RRM2B: variants seen among roughly 807,000 people sequenced by gnomAD.
The protein encoded by RRM2B is ribonucleotide reductase regulatory TP53 inducible subunit M2B.
RRM2B carries 20 observed loss-of-function variants against 45.9 expected under a neutral mutation model. That is an observed-to-expected ratio of 0.44 (90% CI 0.31 to 0.63). The LOEUF is 0.63. RRM2B is among the 30% of genes least tolerant of loss of function. The probability of loss-of-function intolerance (pLI) is 0.09; values close to 1 mark genes in which losing one functional copy is unlikely to be tolerated. For synonymous variants in RRM2B, 124 were observed against 132.3 expected, an observed-to-expected ratio of 0.94 and a Z score of 0.43; for missense variants, 320 against 414.7, an observed-to-expected ratio of 0.77 and a Z score of 1.98.
Position 102,208,023 on chromosome 8 carries a change from A to G in RRM2B, c.*110T>C. ...AGAATAGGTTTTGGATTTCCTTTTGAGCAAACCCCCAGTCCTTTAAAGGAT... is the reference window on the plus strand; with the variant it reads ...AGAATAGGTTTTGGATTTCCTTTTGGGCAAACCCCCAGTCCTTTAAAGGAT... On this transcript the variant is annotated 3_prime_UTR_variant, in exon 9 of 9. Transcript: ENST00000251810. 2.3e-6 allele frequency: 2 copies of G among 857,708 alleles called. No individual in the cohort carries two copies. Among genetic ancestry groups the G allele is most frequent in the Non-Finnish European group, 3.7e-6 (2 of 534,678 alleles). The allele number at this position is 857,708 out of a possible 1,614,324, so 53.1% of individuals were successfully genotyped here. A position where few individuals can be genotyped will look rare whatever the true frequency, so the allele number is the denominator to read the frequency against.
At chr8:102,228,715 C>T (rs1338360212) in intron 2 of RRM2B, among the ~76,000 whole-genome samples, 1 of 152,230 alleles carries the variant, frequency 6.6e-6, no homozygotes, top group Non-Finnish European at 1.5e-5. Flanking sequence ...CACCTGCTCA[C>T]CTGCATGCTC....
chr8:102,229,185 G>A (rs1315826718), intron 2 of RRM2B, among the ~76,000 whole-genome samples: 2 of 152,144 alleles, frequency 1.3e-5, no homozygotes, highest in African/African-American at 2.4e-5. Context: ...CCCAGGAGGA[G>A]GAGGTTGCAG....
At position 102,228,037 on chromosome 8, in the gene RRM2B, C is replaced by T. The variant is rs186970597; in HGVS notation, c.205-2003G>A. On this transcript the variant is annotated intron_variant, in intron 2 of 8. Transcript: ENST00000251810. Reference sequence around the variant, plus strand: ...TCCACCCTCAATCCTGGAACTGCAGCCCAAAGTGACATGTATTCCTGTTTT... The same window carrying T: ...TCCACCCTCAATCCTGGAACTGCAGTCCAAAGTGACATGTATTCCTGTTTT... 5.9e-3 allele frequency among the ~76,000 whole-genome samples: 900 copies of T among 152,286 alleles called. 38 individuals carry two copies. Among genetic ancestry groups the T allele is most frequent in the Admixed American group, 0.054 (830 of 15,290 alleles).
intron 8 of RRM2B, among the ~76,000 whole-genome samples, chr8:102,210,493 G>C (rs944381705): frequency 6.6e-6 from 1 of 151,690 alleles, no homozygotes; most frequent in East Asian, 1.9e-4. Context: ...ACAGAGTTTC[G>C]GTCTTTTTGC....
intron 6 of RRM2B, among the ~76,000 whole-genome samples, chr8:102,218,502 G>A (rs534769738): frequency 6.6e-6 from 1 of 152,252 alleles, no homozygotes; most frequent in South Asian, 2.1e-4. Flanking sequence ...CAGATCGCTT[G>A]AGGCCAGGAG....
intron 8 of RRM2B, among the ~76,000 whole-genome samples, chr8:102,210,460 T>G (rs1810616336): frequency 6.6e-6 from 1 of 152,078 alleles, no homozygotes; most frequent in African/African-American, 2.4e-5. Flanking sequence ...AGTGGCTTGT[T>G]TTTGGTGGGT....
chr8:102,221,343 G>T (rs1358128319), intron 5 of RRM2B, among the ~76,000 whole-genome samples: 3 of 152,134 alleles, frequency 2.0e-5, no homozygotes, highest in African/African-American at 4.8e-5. Context: ...CACTAAGAAG[G>T]TCACCAAAAA....
chr8:102,211,835 C>T (rs1336154885), intron 8 of RRM2B, among the ~76,000 whole-genome samples: 1 of 152,108 alleles, frequency 6.6e-6, no homozygotes, highest in African/African-American at 2.4e-5. Flanking sequence ...AAAACCTACG[C>T]CCCACTTGAC....
Position 102,208,220 on chromosome 8 carries a change from G to T in RRM2B, c.969C>A (p.Phe323Leu). ...ENISLEGKTN[F>L]FEKRVSEYQR... Reference sequence around the variant, plus strand: ...GATACTCTGAAACTCGTTTCTCAAAGAAATTTGTTTTTCCTTCTAAAGAAA... The same window carrying T: ...GATACTCTGAAACTCGTTTCTCAAATAAATTTGTTTTTCCTTCTAAAGAAA... Residue 323 changes from phenylalanine (F) to leucine (L), a missense_variant, in exon 9 of 9, where the codon TTC (phenylalanine) becomes TTA (leucine). Around this residue, in one of 3 missense-constraint regions of RRM2B, gnomAD observed 47 missense variants for 90.0 expected, o/e 0.52. Transcript: ENST00000251810. 6.2e-7 allele frequency: 1 copy of T among 1,608,598 alleles called. No homozygotes were observed. The highest frequency in any genetic ancestry group is 8.5e-7 in the Non-Finnish European group (1 of 1,175,318).
chr8:102,204,571 G>A lies in RRM2B; in HGVS notation c.*3562C>T, dbSNP rs540181640. 8 of 152,032 alleles carry A rather than the reference G, an allele frequency of 5.3e-5. No homozygotes were observed. The highest frequency in any genetic ancestry group is 1.9e-4 in the African/African-American group (8 of 41,464). The allele number at this position is 152,032 out of a possible 1,614,324, so 9.4% of individuals were successfully genotyped here. ...AAGAAACCTTCCTCAAAAAGGAAAT[G>A]TACAAAATGATGAAGATACCATAGT... On this transcript the variant is annotated 3_prime_UTR_variant, in exon 9 of 9. Coordinates refer to ENST00000251810, the MANE Select transcript of RRM2B (RefSeq NM_015713.5).
In RRM2B at chr8:102,229,277, A is replaced by AAC. The variant is rs1563666504; in HGVS notation, c.204+2871_204+2872insGT. ...AAAAACAAAACAACAACAACAACAAAAAAAAAAAAACCCACAAAGCCTCAA... is the reference window on the plus strand; with the variant it reads ...AAAAACAAAACAACAACAACAACAAAACAAAAAAAAAACCCACAAAGCCTCAA... On this transcript the variant is annotated intron_variant, in intron 2 of 8. Coordinates refer to ENST00000251810, the MANE Select transcript of RRM2B (RefSeq NM_015713.5). Among the ~76,000 whole-genome samples the AAC allele has an allele frequency of 9.4e-5, 13 of 138,820 alleles. 1 individual carries two copies. Among genetic ancestry groups the AAC allele is most frequent in the East Asian group, 2.0e-4 (1 of 5,036 alleles). 91.1% of individuals were successfully genotyped at this position (138,820 alleles called of 152,430 possible). A position where few individuals can be genotyped will look rare whatever the true frequency, so the allele number is the denominator to read the frequency against.
At chr8:102,213,666 A>C (rs1222187350) in intron 7 of RRM2B, among the ~76,000 whole-genome samples, 2 of 152,080 alleles carry the variant, frequency 1.3e-5, no homozygotes, top group Non-Finnish European at 2.9e-5. Flanking sequence ...TGTATGCTTC[A>C]AGCTAGGTAC....
intron 2 of RRM2B, among the ~76,000 whole-genome samples, chr8:102,231,428 A>G (rs548989336): frequency 8.1e-4 from 123 of 152,338 alleles, no homozygotes; most frequent in African/African-American, 2.9e-3. Context: ...CATTTTGTAC[A>G]ATCAGATAAA....
At position 102,208,263 on chromosome 8, in the gene RRM2B, A is replaced by G; in HGVS notation, c.926T>C (p.Phe309Ser). The G allele has an allele frequency of 6.3e-7, 1 of 1,578,154 alleles. No homozygotes were observed. Among genetic ancestry groups the G allele is most frequent in the Non-Finnish European group, 8.7e-7 (1 of 1,147,862 alleles). Residue 309 changes from phenylalanine to serine, a missense_variant, in exon 9 of 9, where the codon TTT becomes TCT. Phe to Ser is a radical substitution (Grantham distance 155). Coordinates refer to ENST00000251810, the MANE Select transcript of RRM2B (RefSeq NM_015713.5). ...TAAAGAAATGTTTTCCATAAAATCA[A>G]AAGGATTTTCTGCCTGAAAAACCTA... ...FSKVFQAENPFDFMENISLEG... is the reference protein window; with the variant it reads ...FSKVFQAENPSDFMENISLEG...
intron 2 of RRM2B, among the ~76,000 whole-genome samples, chr8:102,231,597 G>A (rs1262489791): frequency 2.6e-5 from 4 of 152,274 alleles, no homozygotes; most frequent in Middle Eastern, 3.4e-3. Flanking sequence ...TTGGCTGGGC[G>A]TGGTGGCTCA....
intron 2 of RRM2B, among the ~76,000 whole-genome samples, chr8:102,226,356 T>C (rs915526923): frequency 1.3e-5 from 2 of 151,550 alleles, no homozygotes; most frequent in African/African-American, 4.8e-5. Flanking sequence ...CATCATGTCA[T>C]ACACCTTAAA....
At chr8:102,236,402 G>A (rs986255261) in intron 1 of RRM2B, among the ~76,000 whole-genome samples, 3 of 152,244 alleles carry the variant, frequency 2.0e-5, no homozygotes, top group African/African-American at 7.2e-5. Flanking sequence ...AGAAAACCAC[G>A]TATAGGATTA....
chr8:102,238,768 T>A, intron 1 of RRM2B, 59 bp downstream of exon 1: 3 of 1,613,086 alleles, frequency 1.9e-6, no homozygotes, highest in Non-Finnish European at 2.5e-6. Flanking sequence ...TCCTGCAACT[T>A]GCAATCTAAC....
At chr8:102,219,125 A>T in intron 5 of RRM2B, 178 bp from the exon 6 acceptor site, 1 of 638,116 alleles carries the variant, frequency 1.6e-6, no homozygotes, top group Non-Finnish European at 2.7e-6. Flanking sequence ...CTACTGGAGC[A>T]GAAAGGTATG....
Sources: allele counts gnomAD v4.1 joint callset (sites outside exome capture counted in the v4.1 genomes callset), GRCh38; gene constraint gnomAD v4.1.1; regional missense constraint gnomAD v4.1.1; transcripts MANE v1.5; gene names NCBI Gene and HGNC (gene_info 2026-07-23, HGNC 2026-07-21).